PCDHGA9: variants seen among roughly 807,000 people sequenced by gnomAD.
The protein encoded by PCDHGA9 is protocadherin gamma subfamily A, 9.
PCDHGA9 carries 37 observed loss-of-function variants against 62.5 expected under a neutral mutation model. The ratio of observed to expected loss-of-function variants is 0.59; its 90% confidence interval spans 0.46 to 0.78. The LOEUF (loss-of-function observed/expected upper bound fraction) is 0.78, where lower values mean the gene tolerates loss of function less well. PCDHGA9 is among the 30% of genes least tolerant of loss of function. The probability of loss-of-function intolerance (pLI) is 0.00; values close to 1 mark genes in which losing one functional copy is unlikely to be tolerated. For synonymous variants in PCDHGA9, 459 were observed against 484.6 expected (o/e 0.95, Z 0.69); for missense variants, 1,138 against 1,166.2 (o/e 0.98, Z 0.35).
rs747437039 is a variant in PCDHGA9 at position 141,413,919 on chromosome 5, G to T, written c.2424+8543G>T. The T allele has an allele frequency of 1.2e-5, 19 of 1,613,284 alleles. 1 individual carries two copies. The highest frequency in any genetic ancestry group is 1.6e-5 in the Non-Finnish European group (19 of 1,179,890). ...ATGACAACGCGCCGGTCTTCACCTT[G>T]CCAGAATACCGAGTGAGTGTTCCTG... On this transcript the variant is annotated intron_variant, in intron 1 of 3. Transcript: ENST00000573521.
At chr5:141,469,079 C>T (rs1169035651) in intron 1 of PCDHGA9, among the ~76,000 whole-genome samples, 1 of 151,492 alleles carries the variant, frequency 6.6e-6, no homozygotes, top group Non-Finnish European at 1.5e-5. Context: ...GAGTTTGAGA[C>T]CATTCTAGGC....
intron 1 of PCDHGA9, among the ~76,000 whole-genome samples, chr5:141,450,487 G>A (rs1379694010): frequency 1.3e-5 from 2 of 151,938 alleles, no homozygotes; most frequent in African/African-American, 2.4e-5. Context: ...TTGTTTGTTT[G>A]TCTGTTTGTT....
intron 2 of PCDHGA9, among the ~76,000 whole-genome samples, chr5:141,497,879 G>T (rs62379207): frequency 2.0e-5 from 3 of 152,128 alleles, no homozygotes; most frequent in Admixed American, 6.5e-5. Flanking sequence ...TGAAATAAGC[G>T]TTAGGATCTA....
chr5:141,489,427 C>T lies in PCDHGA9; in HGVS notation c.2425-5380C>T, dbSNP rs370540900. 83 of 1,613,990 alleles carry T rather than the reference C, an allele frequency of 5.1e-5. No individual in the cohort carries two copies. The highest frequency in any genetic ancestry group is 8.3e-5 in the Admixed American group (5 of 59,996). On this transcript the variant is annotated intron_variant, in intron 1 of 3. Transcript: ENST00000573521. The surrounding 1 kb of genome is among the most constrained non-coding windows in gnomAD (Gnocchi z 4.5). ...AAAGATGACAGATCTGTTGAGCCGGCGGCTGCAATTGGGCTCTGAGGAGAA... is the reference window on the plus strand; with the variant it reads ...AAAGATGACAGATCTGTTGAGCCGGTGGCTGCAATTGGGCTCTGAGGAGAA...
At chr5:141,425,805 C>T (rs1419480761) in intron 1 of PCDHGA9, among the ~76,000 whole-genome samples, 1 of 152,158 alleles carries the variant, frequency 6.6e-6, no homozygotes, top group African/African-American at 2.4e-5. Context: ...TGCATTGCTT[C>T]TGCTTAGAAA....
At chr5:141,509,216 T>C (rs2099875781) in intron 3 of PCDHGA9, among the ~76,000 whole-genome samples, 1 of 152,124 alleles carries the variant, frequency 6.6e-6, no homozygotes, top group South Asian at 2.1e-4. Flanking sequence ...TATTTCTCAA[T>C]CCCTGGTTGA....
chr5:141,414,067 C>G (rs998058224), intron 1 of PCDHGA9: 1 of 1,607,570 alleles, frequency 6.2e-7, no homozygotes, highest in Non-Finnish European at 8.5e-7. Flanking sequence ...GAAGTTCCAA[C>G]TAAACAAATA....
intron 1 of PCDHGA9, chr5:141,415,740 G>GTTTTTTTT (rs57426385): frequency 1.3e-4 from 79 of 625,006 alleles, no homozygotes; most frequent in African/African-American, 1.8e-4. Flanking sequence ...GTTTATTAAG[G>GTTTTTTTT]TTTTTTTTTT....
In PCDHGA9 at chr5:141,408,282, C is replaced by A. The variant is rs1045626164; in HGVS notation, c.2424+2906C>A. On this transcript the variant is annotated intron_variant, in intron 1 of 3. Transcript: ENST00000573521. ...CCTTTGCTGCTGCCTTTGTTCTACC[C>A]CACCCTGAGTGAGCCGATCCGCTAC... The A allele has an allele frequency of 5.0e-6, 8 of 1,612,846 alleles. No individual in the cohort carries two copies. The African/African-American group carries it at 1.1e-4, about 22-fold the overall frequency.
At chr5:141,492,859 C>G (rs966216924) in intron 1 of PCDHGA9, among the ~76,000 whole-genome samples, 1 of 152,232 alleles carries the variant, frequency 6.6e-6, no homozygotes, top group Non-Finnish European at 1.5e-5. Context: ...CTCGAGCGCC[C>G]TGGCTCTCAA....
chr5:141,419,206 G>T, intron 1 of PCDHGA9: 1 of 1,613,876 alleles, frequency 6.2e-7, no homozygotes, highest in Non-Finnish European at 8.5e-7. Flanking sequence ...ATGACAACGC[G>T]CCGGTTTTCG....
At chr5:141,410,078 G>A (rs1258292051) in intron 1 of PCDHGA9, 1 of 1,612,820 alleles carries the variant, frequency 6.2e-7, no homozygotes, top group Non-Finnish European at 8.5e-7. Flanking sequence ...CACTGGGGAG[G>A]TGCGCACGGC....
intron 1 of PCDHGA9, chr5:141,430,641 T>G: frequency 1.1e-6 from 1 of 902,670 alleles, no homozygotes. Context: ...TCCCTGGGAG[T>G]ATGTGGAAAC....
At chr5:141,496,236 C>T (rs1290509264) in intron 2 of PCDHGA9, among the ~76,000 whole-genome samples, 7 of 152,138 alleles carry the variant, frequency 4.6e-5, no homozygotes, top group Middle Eastern at 3.2e-3. Flanking sequence ...GAACCCCCTG[C>T]GGGCTGAAGG....
intron 1 of PCDHGA9, chr5:141,478,106 G>T: frequency 6.2e-7 from 1 of 1,614,046 alleles, no homozygotes; most frequent in Non-Finnish European, 8.5e-7. Flanking sequence ...TACCCTCACT[G>T]TGTCAGTAAC....
intron 1 of PCDHGA9, chr5:141,419,785 G>A (rs1268841728): frequency 1.2e-6 from 2 of 1,613,934 alleles, no homozygotes; most frequent in Non-Finnish European, 1.7e-6. Flanking sequence ...GCCAGCGCCT[G>A]CTAGTCGCTG....
chr5:141,501,290 T>TACACAC lies in PCDHGA9; in HGVS notation c.2484-4064_2484-4059dup, dbSNP rs55762287. Among the ~76,000 whole-genome samples the TACACAC allele has an allele frequency of 5.7e-3, 774 of 136,224 alleles. 5 individuals are homozygous for TACACAC. The highest frequency in any genetic ancestry group is 9.9e-3 in the African/African-American group (361 of 36,504). The allele number at this position is 136,224 out of a possible 152,430, so 89.4% of individuals were successfully genotyped here. A position where few individuals can be genotyped will look rare whatever the true frequency, so the allele number is the denominator to read the frequency against. ...GTCCAGTCTATGGGATATTCCCTTA[T>TACACAC]ACACACACACACACACACACACACA... On this transcript the variant is annotated intron_variant, in intron 2 of 3. Transcript: ENST00000573521.
At position 141,432,673 on chromosome 5, in the gene PCDHGA9, C is replaced by A. The variant is rs770930842; in HGVS notation, c.2424+27297C>A. 5 of 1,613,922 alleles carry A rather than the reference C, an allele frequency of 3.1e-6. No homozygotes were observed. Among genetic ancestry groups the A allele is most frequent in the Non-Finnish European group, 4.2e-6 (5 of 1,179,960 alleles). On this transcript the variant is annotated intron_variant, in intron 1 of 3. Coordinates refer to ENST00000573521, the MANE Select transcript of PCDHGA9 (RefSeq NM_018921.3). This position sits in a 1 kb window ranked among gnomAD's most constrained non-coding sequence, Gnocchi z 6.0. ...GAGCCCTGCTGGACAGAGACGCGCTCAAGCAGAGCCTCGTAGTGGCCGTCC... is the reference window on the plus strand; with the variant it reads ...GAGCCCTGCTGGACAGAGACGCGCTAAAGCAGAGCCTCGTAGTGGCCGTCC...
chr5:141,444,350 T>C (rs1021358194), intron 1 of PCDHGA9, among the ~76,000 whole-genome samples: 7 of 151,946 alleles, frequency 4.6e-5, no homozygotes, highest in Admixed American at 2.0e-4. Context: ...TTTGTATTTT[T>C]AGTAGAGACG....
Sources: allele counts gnomAD v4.1 joint callset (sites outside exome capture counted in the v4.1 genomes callset), GRCh38; gene constraint gnomAD v4.1.1; non-coding constraint Gnocchi (gnomAD v3.1); transcripts MANE v1.5; gene names NCBI Gene and HGNC (gene_info 2026-07-23, HGNC 2026-07-21).